Variants in MID1 observed in about 807,000 individuals in gnomAD.
MID1 encodes E3 ubiquitin-protein ligase Midline-1.
Under a neutral mutation model 40.4 loss-of-function variants are expected in MID1, and 7 were observed. That is an observed-to-expected ratio of 0.17 (90% confidence interval 0.10 to 0.33). The LOEUF is 0.33. Among genes scored for constraint, MID1 ranks in the 10% least tolerant of loss-of-function variants. MID1 has a pLI of 1.00. For synonymous variants in MID1, 229 were observed against 221.2 expected, an observed-to-expected ratio of 1.04 and a Z score of -0.31; for missense variants, 367 against 558.5, an observed-to-expected ratio of 0.66 and a Z score of 3.46.
chrX:10,534,228 C>T (rs1386202942), intron 2 of MID1, among the ~76,000 whole-genome samples: 1 of 111,846 alleles, frequency 8.9e-6, no homozygotes, highest in Non-Finnish European at 1.9e-5. Context: ...TTGCCAGATA[C>T]TCACTAATGA....
At chrX:10,468,153 A>T (rs1929493200) in intron 7 of MID1, among the ~76,000 whole-genome samples, 1 of 112,074 alleles carries the variant, frequency 8.9e-6, no homozygotes, top group Admixed American at 9.5e-5. Context: ...TAAAAATTAC[A>T]CATTCTTGGT....
intron 6 of MID1, among the ~76,000 whole-genome samples, chrX:10,471,577 T>C (rs1929709975): frequency 8.9e-6 from 1 of 112,102 alleles, no homozygotes; most frequent in Admixed American, 9.5e-5. Context: ...AGATTTAGTG[T>C]CATGTGGTAT....
intron 1 of MID1, among the ~76,000 whole-genome samples, chrX:10,686,336 G>T (rs2043097674): frequency 9.0e-6 from 1 of 111,092 alleles, no homozygotes; most frequent in African/African-American, 3.3e-5. Flanking sequence ...ATGCCCAAGA[G>T]ACTAGGCTTC....
chrX:10,577,648 G>GTATA (rs36060246), intron 1 of MID1, among the ~76,000 whole-genome samples: 1 of 104,458 alleles, frequency 9.6e-6, no homozygotes, highest in Non-Finnish European at 2.0e-5. Flanking sequence ...CATCGTGTGT[G>GTATA]TATATATATA....
chrX:10,718,213 A>G (rs1394617220), intron 1 of MID1, among the ~76,000 whole-genome samples: 1 of 112,161 alleles, frequency 8.9e-6, no homozygotes, highest in East Asian at 2.8e-4. Context: ...GAACAGAAAG[A>G]AATGGAGACA....
At chrX:10,550,939 G>T (rs1224718899) in intron 2 of MID1, among the ~76,000 whole-genome samples, 1 of 111,604 alleles carries the variant, frequency 9.0e-6, no homozygotes, top group Non-Finnish European at 1.9e-5. Context: ...AGGCAATAGG[G>T]AAGAAAATAC....
chrX:10,533,026 C>A (rs779139551), intron 2 of MID1, among the ~76,000 whole-genome samples: 86 of 110,924 alleles, frequency 7.8e-4, no homozygotes, highest in Non-Finnish European at 1.2e-3. Context: ...CCCGCCTCAG[C>A]CTCCCAAAGT....
chrX:10,728,780 T>C (rs764114885), intron 1 of MID1, among the ~76,000 whole-genome samples: 1 of 112,175 alleles, frequency 8.9e-6, no homozygotes, highest in South Asian at 3.8e-4. Flanking sequence ...TTTATGCTAT[T>C]GGGTGTGACT....
intron 8 of MID1, among the ~76,000 whole-genome samples, chrX:10,455,950 T>C (rs896177441): frequency 3.6e-5 from 4 of 112,238 alleles, no homozygotes; most frequent in Non-Finnish European, 5.6e-5. Flanking sequence ...AATTCAATAT[T>C]GGTTTGGAGT....
intron 1 of MID1, among the ~76,000 whole-genome samples, chrX:10,719,300 A>G (rs1163347073): frequency 9.0e-6 from 1 of 111,423 alleles, no homozygotes; most frequent in Admixed American, 9.5e-5. Flanking sequence ...AGAAAACCCC[A>G]TCGTCTCAGC....
At chrX:10,750,315 G>A (rs2043588849) in intron 1 of MID1, among the ~76,000 whole-genome samples, 1 of 111,431 alleles carries the variant, frequency 9.0e-6, no homozygotes, top group Admixed American at 9.6e-5. Context: ...AGGAACTGCT[G>A]CTTGTTCTAA....
At chrX:10,454,167 C>T (rs1436853093) in intron 9 of MID1, among the ~76,000 whole-genome samples, 2 of 111,921 alleles carry the variant, frequency 1.8e-5, no homozygotes, top group African/African-American at 6.5e-5. Context: ...TTAGAGAACT[C>T]AGTGGGCTAA....
chrX:10,638,981 C>T (rs1210485494), intron 1 of MID1, among the ~76,000 whole-genome samples: 2 of 112,264 alleles, frequency 1.8e-5, no homozygotes, highest in Non-Finnish European at 3.8e-5. Context: ...AGAGAAAGGA[C>T]ATTCACACCA....
intron 1 of MID1, among the ~76,000 whole-genome samples, chrX:10,759,672 AG>A (rs772467734): frequency 3.1e-3 from 339 of 110,235 alleles, no homozygotes; most frequent in African/African-American, 0.01. Context: ...TTTGTTTCTT[AG>A]CCACCTCTGT....
intron 1 of MID1, among the ~76,000 whole-genome samples, chrX:10,753,413 G>T (rs182433828): frequency 2.7e-5 from 3 of 110,661 alleles, no homozygotes; most frequent in Admixed American, 9.7e-5. Context: ...AGGTCTCAGT[G>T]CTCATATATA....
intron 5 of MID1, among the ~76,000 whole-genome samples, chrX:10,478,788 C>G (rs778930440): frequency 8.9e-6 from 1 of 112,082 alleles, no homozygotes; most frequent in Non-Finnish European, 1.9e-5. Context: ...CACTTTAAGT[C>G]GCTTAACGAT....
At chrX:10,597,071 T>A (rs1036892894) in intron 1 of MID1, among the ~76,000 whole-genome samples, 1 of 111,253 alleles carries the variant, frequency 9.0e-6, no homozygotes, top group East Asian at 2.8e-4. Context: ...AATGGCTAAC[T>A]TTTTAAATAG....
intron 1 of MID1, among the ~76,000 whole-genome samples, chrX:10,755,096 A>G (rs1445453628): frequency 8.9e-6 from 1 of 111,892 alleles, no homozygotes; most frequent in East Asian, 2.8e-4. Flanking sequence ...TGTAAATCCT[A>G]TTTAGCTAGT....
intron 4 of MID1, among the ~76,000 whole-genome samples, chrX:10,489,543 T>A (rs984412298): frequency 8.9e-6 from 1 of 112,262 alleles, no homozygotes. Context: ...CTTGTCCATA[T>A]ATGTATGAAT....
Sources: gnomAD v4.1 joint callset for allele counts (sites outside exome capture counted in the v4.1 genomes callset) on GRCh38, gnomAD v4.1.1 for gene constraint, MANE v1.5 for transcripts, NCBI Gene and HGNC (gene_info 2026-07-23, HGNC 2026-07-21) for gene names.